Variants in KLF8 observed in about 807,000 individuals in gnomAD.
KLF8 encodes the protein KLF transcription factor 8.
KLF8 carries 10 observed loss-of-function variants against 18.2 expected under a neutral mutation model. The ratio of observed to expected loss-of-function variants is 0.55; its 90% CI spans 0.34 to 0.93. The LOEUF (loss-of-function observed/expected upper bound fraction) is 0.93. Among genes scored for constraint, KLF8 ranks in the 40% least tolerant of loss-of-function variants. KLF8 has a pLI of 0.02. For synonymous variants in KLF8, 109 were observed against 97.3 expected (o/e 1.12, Z -0.71); for missense variants, 264 against 277.9 (o/e 0.95, Z 0.36).
chrX:56,046,867 T>C, the KLF8 span, among the ~76,000 whole-genome samples: 1 of 111,354 alleles, frequency 9.0e-6, no homozygotes, highest in South Asian at 3.8e-4. Context: ...GCGATGATCT[T>C]TTTTCCAGGT....
At chrX:56,048,335 C>A in the KLF8 span, among the ~76,000 whole-genome samples, 19 of 111,769 alleles carry the variant, frequency 1.7e-4, no homozygotes, top group South Asian at 2.3e-3. Context: ...GACATGAAGC[C>A]CTTGCCCATG....
intron 2 of KLF8, among the ~76,000 whole-genome samples, chrX:56,250,903 G>A (rs1304338083): frequency 1.8e-5 from 2 of 112,120 alleles, no homozygotes; most frequent in African/African-American, 6.5e-5. Context: ...TTGCTCTATG[G>A]AGGACAGTCT....
the KLF8 span, among the ~76,000 whole-genome samples, chrX:56,078,213 T>G: frequency 6.2e-4 from 69 of 112,068 alleles, 1 homozygote; most frequent in Non-Finnish European, 5.1e-4. Flanking sequence ...CATCCCTGTC[T>G]TGTGCCAGTT....
At chrX:56,166,096 C>T in the KLF8 span, among the ~76,000 whole-genome samples, 1 of 106,353 alleles carries the variant, frequency 9.4e-6, no homozygotes, top group Admixed American at 1.0e-4. Context: ...AAAATAGCAT[C>T]TAGGTCTACC....
chrX:55,970,468 A>G, the KLF8 span, among the ~76,000 whole-genome samples: 2 of 111,762 alleles, frequency 1.8e-5, no homozygotes, highest in Admixed American at 9.5e-5. Context: ...CACAACCAGT[A>G]TCATAATAAG....
At chrX:56,059,018 T>G in the KLF8 span, among the ~76,000 whole-genome samples, 1 of 111,969 alleles carries the variant, frequency 8.9e-6, no homozygotes, top group Non-Finnish European at 1.9e-5. Context: ...CATCTGTTGT[T>G]TCCTGACTTT....
chrX:55,994,624 T>G, the KLF8 span, among the ~76,000 whole-genome samples: 1 of 111,425 alleles, frequency 9.0e-6, no homozygotes, highest in Admixed American at 9.5e-5. Context: ...GTTTTATCAT[T>G]GGTTTCATTA....
chrX:56,159,601 C>T, the KLF8 span, among the ~76,000 whole-genome samples: 1 of 112,324 alleles, frequency 8.9e-6, no homozygotes, highest in African/African-American at 3.2e-5. Flanking sequence ...CAACTTCTTC[C>T]TGGTTTAGTC....
At chrX:55,967,506 C>T in the KLF8 span, among the ~76,000 whole-genome samples, 4 of 109,439 alleles carry the variant, frequency 3.7e-5, no homozygotes, top group Non-Finnish European at 7.6e-5. Context: ...AATACTGTAG[C>T]CAGTGAAAAT....
chrX:56,189,472 G>C, the KLF8 span, among the ~76,000 whole-genome samples: 1 of 111,153 alleles, frequency 9.0e-6, no homozygotes, highest in African/African-American at 3.3e-5. Flanking sequence ...CAATTCCTCA[G>C]GGATCTAGAA....
the KLF8 span, among the ~76,000 whole-genome samples, chrX:56,163,505 G>C: frequency 2.7e-5 from 3 of 112,042 alleles, no homozygotes; most frequent in Non-Finnish European, 5.6e-5. Context: ...ACCTTTGTCA[G>C]ATGCATAGTT....
chrX:56,277,347 G>C (rs906576823), intron 5 of KLF8, among the ~76,000 whole-genome samples: 3 of 112,086 alleles, frequency 2.7e-5, no homozygotes, highest in Admixed American at 9.4e-5. Context: ...TGTGATCTAA[G>C]CCATCTCTGC....
chrX:56,201,234 G>T, the KLF8 span, among the ~76,000 whole-genome samples: 4 of 111,827 alleles, frequency 3.6e-5, no homozygotes, highest in Non-Finnish European at 7.5e-5. Context: ...CAAGAATGAA[G>T]AAAGAAAATG....
the KLF8 span, among the ~76,000 whole-genome samples, chrX:56,028,431 T>C: frequency 9.0e-6 from 1 of 111,541 alleles, no homozygotes; most frequent in Non-Finnish European, 1.9e-5. Flanking sequence ...TGTGCTCCCC[T>C]TTCTGAATAG....
chrX:56,210,318 G>C, the KLF8 span, among the ~76,000 whole-genome samples: 1 of 111,542 alleles, frequency 9.0e-6, no homozygotes, highest in African/African-American at 3.3e-5. Context: ...ATGCTATTCT[G>C]GGATAAGTTT....
chrX:56,189,410 A>C, the KLF8 span, among the ~76,000 whole-genome samples: 667 of 111,684 alleles, frequency 6.0e-3, 10 homozygotes, highest in Middle Eastern at 9.1e-3. Context: ...GAACACTTTT[A>C]CACTGTTGGT....
the KLF8 span, among the ~76,000 whole-genome samples, chrX:56,149,173 C>T: frequency 1.2e-3 from 131 of 111,354 alleles, no homozygotes; most frequent in Non-Finnish European, 2.0e-3. Flanking sequence ...GAGAATGGGG[C>T]ATTTTTATAT....
chrX:56,192,581 T>C, the KLF8 span, among the ~76,000 whole-genome samples: 2 of 111,876 alleles, frequency 1.8e-5, no homozygotes, highest in Non-Finnish European at 3.8e-5. Flanking sequence ...AAAATCTATA[T>C]TAACCAAAAC....
the KLF8 span, among the ~76,000 whole-genome samples, chrX:56,183,977 G>A: frequency 9.0e-6 from 1 of 111,095 alleles, no homozygotes; most frequent in Non-Finnish European, 1.9e-5. Flanking sequence ...ATTTCCATCT[G>A]AGGTACCAGG....
Sources: gnomAD v4.1 joint callset for allele counts (sites outside exome capture counted in the v4.1 genomes callset) on GRCh38, gnomAD v4.1.1 for gene constraint, MANE v1.5 for transcripts, NCBI Gene and HGNC (gene_info 2026-07-23, HGNC 2026-07-21) for gene names.